UBA52: variants seen among roughly 807,000 people sequenced by gnomAD.
The protein encoded by UBA52 is ubiquitin-ribosomal protein eL40 fusion protein.
UBA52 carries 1 observed loss-of-function variant against 15.3 expected under a neutral mutation model. That is an observed-to-expected ratio of 0.07 (90% CI 0.02 to 0.31). The LOEUF is 0.31. Among genes scored for constraint, UBA52 ranks in the 10% least tolerant of loss-of-function variants. UBA52 has a pLI of 1.00. For missense variants in UBA52, 87 were observed against 168.0 expected, an observed-to-expected ratio of 0.52 and a Z score of 2.66; for synonymous variants, 50 against 58.3, an observed-to-expected ratio of 0.86 and a Z score of 0.65.
chr19:18,568,415 A>G, upstream of UBA52: 1 of 1,613,714 alleles, frequency 6.2e-7, no homozygotes, highest in Non-Finnish European at 8.5e-7. Flanking sequence ...TCCCAGAGGC[A>G]TCCTTCCTGG....
upstream of UBA52, chr19:18,568,598 C>G: frequency 6.2e-7 from 1 of 1,612,668 alleles, no homozygotes; most frequent in Non-Finnish European, 8.5e-7. Context: ...ACGGCCGCAG[C>G]CAGACAGATG....
the UBA52 span, among the ~76,000 whole-genome samples, chr19:18,566,114 A>T: frequency 6.6e-6 from 1 of 151,900 alleles, no homozygotes; most frequent in Non-Finnish European, 1.5e-5. Flanking sequence ...TATAGGCATG[A>T]GCCATCATGC....
chr19:18,574,140 T>A (rs886755371), intron 3 of UBA52, among the ~76,000 whole-genome samples: 2 of 150,432 alleles, frequency 1.3e-5, no homozygotes, highest in Non-Finnish European at 3.0e-5. Flanking sequence ...AAAAATTAGC[T>A]AGGCATGGTG....
chr19:18,574,097 A>T (rs1453218176), intron 3 of UBA52, among the ~76,000 whole-genome samples: 1 of 152,010 alleles, frequency 6.6e-6, no homozygotes, highest in South Asian at 2.1e-4. Context: ...CATCATGACC[A>T]ACATGGTGAA....
the UBA52 span, among the ~76,000 whole-genome samples, chr19:18,565,640 A>G: frequency 0.011 from 1,616 of 152,188 alleles, 17 homozygotes; most frequent in South Asian, 0.024. Context: ...CAGCCTTCTG[A>G]GTAGCTGGGT....
intron 3 of UBA52, 130 bp from the exon 4 acceptor site, chr19:18,574,740 G>A (rs1975698617): frequency 1.5e-5 from 17 of 1,169,722 alleles, no homozygotes; most frequent in South Asian, 1.3e-4. Flanking sequence ...TAGAACACTC[G>A]GGGGATCCCG....
In UBA52 at chr19:18,574,852, T is replaced by C; in HGVS notation, c.191-18T>C. The C allele has an allele frequency of 1.2e-6, 2 of 1,612,106 alleles. No homozygotes were observed. Among genetic ancestry groups the C allele is most frequent in the Non-Finnish European group, 1.7e-6 (2 of 1,179,902 alleles). On this transcript the variant is annotated intron_variant, in intron 3 of 4. Transcript: ENST00000442744. Reference sequence around the variant, plus strand: ...CAGGGCTGGGCTCAGTCGCCGTCCTTCTGGCTGTCTCCTGCAGAGTCCACC... The same window carrying C: ...CAGGGCTGGGCTCAGTCGCCGTCCTCCTGGCTGTCTCCTGCAGAGTCCACC...
At chr19:18,567,814 G>A (rs961206106), upstream of UBA52, among the ~76,000 whole-genome samples, 2 of 152,212 alleles carry the variant, frequency 1.3e-5, no homozygotes, top group African/African-American at 4.8e-5. Context: ...GAGCTGGGCT[G>A]AGGGGAGGTC....
intron 1 of UBA52, chr19:18,572,953 GCCAAAGGGTACTTATT>G: frequency 3.5e-6 from 4 of 1,136,998 alleles, no homozygotes; most frequent in Non-Finnish European, 4.4e-6. Context: ...GCAAGATGAT[GCCAAAGGGTACTTATT>G]CCATCAGGAG....
At chr19:18,573,854 T>C in intron 3 of UBA52, 106 bp downstream of exon 3, 1 of 1,090,088 alleles carries the variant, frequency 9.2e-7, no homozygotes, top group Middle Eastern at 2.0e-4. Flanking sequence ...ACTTGTGTTT[T>C]GTTTAAAATA....
At chr19:18,568,657 GTC>G, upstream of UBA52, 1 of 1,556,288 alleles carries the variant, frequency 6.4e-7, no homozygotes. Context: ...CCTTGAGGGG[GTC>G]TCAGGGCAGC....
intron 3 of UBA52, 149 bp downstream of exon 3, chr19:18,573,897 TC>T (rs767009386): frequency 3.9e-5 from 29 of 743,680 alleles, no homozygotes; most frequent in Admixed American, 1.2e-4. Flanking sequence ...ATGCCTGTAA[TC>T]CCGGCACTTT....
upstream of UBA52, among the ~76,000 whole-genome samples, chr19:18,570,703 T>G (rs1482846705): frequency 6.6e-6 from 1 of 150,680 alleles, no homozygotes; most frequent in Non-Finnish European, 1.5e-5. Context: ...TTTTTCTTTT[T>G]TGAGACGGAG....
At chr19:18,565,103 G>T in the UBA52 span, 1 of 1,554,226 alleles carries the variant, frequency 6.4e-7, no homozygotes, top group Non-Finnish European at 8.7e-7. Context: ...CACATACCAG[G>T]GTAAAGGGAG....
Position 18,571,874 on chromosome 19 carries a change from A to AGGCGGCCGAGCTGGTTGGTGGC in UBA52, c.-38_-17dup, listed in dbSNP as rs1975496439. On this transcript the variant is annotated 5_prime_UTR_variant, in exon 1 of 5. Coordinates refer to ENST00000442744, the MANE Select transcript of UBA52 (RefSeq NM_001033930.3). Reference sequence around the variant, plus strand: ...TCCGCTATCTTCTTTTTCTTCAGCGAGGCGGCCGAGCTGGTTGGTGGCGGC... The same window carrying AGGCGGCCGAGCTGGTTGGTGGC: ...TCCGCTATCTTCTTTTTCTTCAGCGAGGCGGCCGAGCTGGTTGGTGGCGGCGGCCGAGCTGGTTGGTGGCGGC... 6.5e-6 allele frequency: 1 copy of AGGCGGCCGAGCTGGTTGGTGGC among 152,896 alleles called. No homozygotes were observed. Among genetic ancestry groups the AGGCGGCCGAGCTGGTTGGTGGC allele is most frequent in the Non-Finnish European group, 1.5e-5 (1 of 68,596 alleles). 9.5% of individuals were successfully genotyped at this position (152,896 alleles called of 1,614,324 possible). A position where few individuals can be genotyped will look rare whatever the true frequency, so the allele number is the denominator to read the frequency against.
At chr19:18,574,518 T>G (rs776686276) in intron 3 of UBA52, among the ~76,000 whole-genome samples, 6 of 152,030 alleles carry the variant, frequency 3.9e-5, no homozygotes, top group Non-Finnish European at 7.4e-5. Context: ...TCTCTTAAAG[T>G]GCTAGGATTA....
At position 18,576,290 on chromosome 19, in the gene UBA52, C is replaced by G. The variant is rs927354490; in HGVS notation, c.*1140C>G. 1.3e-5 allele frequency: 2 copies of G among 152,258 alleles called. No individual in the cohort carries two copies. Among genetic ancestry groups the G allele is most frequent in the African/African-American group, 4.8e-5 (2 of 41,436 alleles). The allele number at this position is 152,258 out of a possible 1,614,324, so 9.4% of individuals were successfully genotyped here. The stretch of plus-strand genomic sequence containing the variant: ...AGTAGCCAGGACTACAGGTGTGCAC[C>G]CACCACCACACTCAGATAATTGCTT... On this transcript the variant is annotated 3_prime_UTR_variant, in exon 5 of 5. Transcript: ENST00000442744.
chr19:18,570,437 A>G (rs1975438934), upstream of UBA52, among the ~76,000 whole-genome samples: 1 of 151,436 alleles, frequency 6.6e-6, no homozygotes, highest in African/African-American at 2.4e-5. Context: ...CCTGACCTCA[A>G]GTAATCCTCC....
At position 18,575,051 on chromosome 19, in the gene UBA52, G is replaced by C; in HGVS notation, c.294-6G>C. 1 of 1,614,168 alleles carries C rather than the reference G, an allele frequency of 6.2e-7. No individual in the cohort carries two copies. Among genetic ancestry groups the C allele is most frequent in the Non-Finnish European group, 8.5e-7 (1 of 1,180,034 alleles). On this transcript the variant is annotated splice_region_variant and splice_polypyrimidine_tract_variant and intron_variant, in intron 4 of 4. Transcript: ENST00000442744. ...GCCCTCACCCACCCCTCCTGTCTCT[G>C]TGCAGGTGCTATGCTCGCCTTCACC...
Sources: gnomAD v4.1 joint callset for allele counts (sites outside exome capture counted in the v4.1 genomes callset) on GRCh38, gnomAD v4.1.1 for gene constraint, MANE v1.5 for transcripts, NCBI Gene and HGNC (gene_info 2026-07-23, HGNC 2026-07-21) for gene names.